TOMM40L: variants seen among roughly 807,000 people sequenced by gnomAD.
TOMM40L encodes the protein mitochondrial import receptor subunit TOM40B.
A neutral mutation model predicts 38.3 loss-of-function variants in TOMM40L; 17 were observed. The observed-to-expected ratio is 0.44, with a 90% CI of 0.30 to 0.67. TOMM40L has a LOEUF of 0.67. Among genes scored for constraint, TOMM40L ranks in the 30% least tolerant of loss-of-function variants. The pLI is 0.08. For missense variants in TOMM40L, 294 were observed against 390.0 expected (o/e 0.75, Z 2.07); for synonymous variants, 151 against 150.2 (o/e 1.01, Z -0.04).
intron 3 of TOMM40L, 92 bp from the exon 4 acceptor site, chr1:161,227,165 AG>A: frequency 1.5e-6 from 2 of 1,325,882 alleles, no homozygotes; most frequent in Non-Finnish European, 1.1e-6. Flanking sequence ...GATTCTTGAG[AG>A]GCCCTCTGGA....
rs775626276 is a variant in TOMM40L at position 161,226,703 on chromosome 1, C to T, written c.115+99C>T. 5.7e-4 allele frequency: 771 copies of T among 1,359,864 alleles called. 1 individual carries two copies. The highest frequency in any genetic ancestry group is 7.2e-4 in the Non-Finnish European group (701 of 976,836). The allele number at this position is 1,359,864 out of a possible 1,614,324, so 84.2% of individuals were successfully genotyped here. ...GCGATGGGAGCAGGAAAGGGGAGAT[C>T]ATAGCTGGGTCATGCAGCCTCAGGG... On this transcript the variant is annotated intron_variant, in intron 2 of 9. Transcript: ENST00000367988.
rs1666701737 is a variant in TOMM40L, at chr1:161,229,858, T to C, written c.*763T>C. ...AGACAGGCCCTGGATGTGCTGGATT[T>C]GGTACCCGTAGGCCTCATTAATGCT... On this transcript the variant is annotated 3_prime_UTR_variant, in exon 10 of 10. Transcript: ENST00000367988. The C allele has an allele frequency of 6.2e-7, 1 of 1,614,192 alleles. No homozygotes were observed.
rs200010139 is a variant in TOMM40L, at chr1:161,228,467, G to A, written c.647G>A (p.Gly216Glu). 1 of 1,614,090 alleles carries A rather than the reference G, an allele frequency of 6.2e-7. No homozygotes were observed. The highest frequency in any genetic ancestry group is 8.5e-7 in the Non-Finnish European group (1 of 1,180,008). The stretch of plus-strand genomic sequence containing the variant: ...GCTACATTGAATGTGGGATCAGGCG[G>A]GGCCCATGCAAGTTACTACCACAGG... ...WVATLNVGSGGAHASYYHRAN... is the reference protein window; with the variant it reads ...WVATLNVGSGEAHASYYHRAN... The change falls in exon 8 of 10, where the codon GGG (glycine) becomes GAG (glutamate). Residue 216 changes from glycine to glutamate, a missense_variant. By Grantham distance (98) the Gly-to-Glu change is moderately conservative. Coordinates refer to ENST00000367988, the MANE Select transcript of TOMM40L (RefSeq NM_032174.6).
At position 161,230,457 on chromosome 1, in the gene TOMM40L, G is replaced by A. The variant is rs948833045; in HGVS notation, c.*1362G>A. ...AGGAATTGGCCCAATGGCGAGGAGA[G>A]GAAAGGCCAAGGGAAGAGAAAAGTC... On this transcript the variant is annotated 3_prime_UTR_variant, in exon 10 of 10. Coordinates refer to ENST00000367988, the MANE Select transcript of TOMM40L (RefSeq NM_032174.6). 7 of 472,242 alleles carry A rather than the reference G, an allele frequency of 1.5e-5. No homozygotes were observed. The highest frequency in any genetic ancestry group is 8.0e-5 in the African/African-American group (4 of 49,770). 29.3% of individuals were successfully genotyped at this position (472,242 alleles called of 1,614,324 possible).
At chr1:161,226,686 A>C in intron 2 of TOMM40L, 82 bp downstream of exon 2, 1 of 1,447,120 alleles carries the variant, frequency 6.9e-7, no homozygotes, top group Admixed American at 1.9e-5. Context: ...CGGCGATGGG[A>C]GCAGGAAAGG....
At chr1:161,228,057 T>A (rs1666491036) in intron 6 of TOMM40L, 68 bp downstream of exon 6, 3 of 1,601,648 alleles carry the variant, frequency 1.9e-6, no homozygotes, top group African/African-American at 2.7e-5. Flanking sequence ...TGCCTCTTCA[T>A]CTTCTGTACA....
rs972298105 is a variant in TOMM40L at position 161,226,089 on chromosome 1, T to A, written c.-183T>A. 6.1e-6 allele frequency: 1 copy of A among 165,236 alleles called. No homozygotes were observed. Among genetic ancestry groups the A allele is most frequent in the African/African-American group, 2.4e-5 (1 of 41,732 alleles). 10.2% of individuals were successfully genotyped at this position (165,236 alleles called of 1,614,324 possible). On this transcript the variant is annotated 5_prime_UTR_variant, in exon 1 of 10. An upstream start codon of the reference 5' UTR is lost. Transcript: ENST00000367988. ...CTCAAGATGGCTGCCCCCATCAAGA[T>A]GACCGGGGTGTGCCGGGGGGAAAGG... is the stretch of plus-strand genomic sequence containing the variant.
chr1:161,230,078 G>C lies in TOMM40L; in HGVS notation c.*983G>C. The C allele has an allele frequency of 2.1e-6, 2 of 947,580 alleles. No individual in the cohort carries two copies. Among genetic ancestry groups the C allele is most frequent in the Non-Finnish European group, 3.1e-6 (2 of 642,412 alleles). The allele number at this position is 947,580 out of a possible 1,614,324, so 58.7% of individuals were successfully genotyped here. On this transcript the variant is annotated 3_prime_UTR_variant, in exon 10 of 10. Coordinates refer to ENST00000367988, the MANE Select transcript of TOMM40L (RefSeq NM_032174.6). The stretch of plus-strand genomic sequence containing the variant: ...CATGCTCTGGTATGACAGACTATCA[G>C]AGGTTCCAAAGGTCCTCCAGGGGGC...
chr1:161,227,710 G>T lies in TOMM40L; in HGVS notation c.351G>T (p.Glu117Asp). 4 of 1,613,374 alleles carry T rather than the reference G, an allele frequency of 2.5e-6. No individual in the cohort carries two copies. The highest frequency in any genetic ancestry group is 3.4e-6 in the Non-Finnish European group (4 of 1,180,034). Residue 117 changes from glutamate to aspartate, a missense_variant, in exon 5 of 10, where the codon GAG becomes GAT. Physicochemically the swap from Glu to Asp is conservative, Grantham distance 45. Transcript: ENST00000367988. ...CCCAGGTCTTGCTCCTCTTGGCAGA[G>T]CGGCTCCGAGCTAAGGCTGTCTTCC... ...LNAQVLLLLAERLRAKAVFQT... is the reference protein window; with the variant it reads ...LNAQVLLLLADRLRAKAVFQT...
intron 8 of TOMM40L, 30 bp from the exon 9 acceptor site, chr1:161,228,685 C>G: frequency 6.2e-7 from 1 of 1,610,614 alleles, no homozygotes; most frequent in Non-Finnish European, 8.5e-7. Context: ...TGATACTGAT[C>G]TCTCTCTCAT....
chr1:161,227,761 C>T (rs1396975208), intron 5 of TOMM40L, 24 bp downstream of exon 5: 20 of 1,601,304 alleles, frequency 1.2e-5, no homozygotes, highest in Non-Finnish European at 1.5e-5. Context: ...CTGCCTCCAT[C>T]CCCTGAGGCA....
chr1:161,230,617 A>C lies in TOMM40L; in HGVS notation c.*1522A>C. 3 of 693,688 alleles carry C rather than the reference A, an allele frequency of 4.3e-6. No homozygotes were observed. The highest frequency in any genetic ancestry group is 7.1e-6 in the Non-Finnish European group (3 of 420,696). The allele number at this position is 693,688 out of a possible 1,614,324, so 43.0% of individuals were successfully genotyped here. ...AAAAAATCTGGAAAAAGTGAGATGAAACAGCAGTATCCAAATACAGCAATT... is the reference window on the plus strand; with the variant it reads ...AAAAAATCTGGAAAAAGTGAGATGACACAGCAGTATCCAAATACAGCAATT... On this transcript the variant is annotated 3_prime_UTR_variant, in exon 10 of 10. Coordinates refer to ENST00000367988, the MANE Select transcript of TOMM40L (RefSeq NM_032174.6).
At chr1:161,227,075 G>A in intron 3 of TOMM40L, 120 bp downstream of exon 3, 2 of 1,328,924 alleles carry the variant, frequency 1.5e-6, no homozygotes, top group African/African-American at 2.9e-5. Context: ...GGGAGGATGT[G>A]GGGTTCTCTT....
rs768080314 is a variant in TOMM40L, at chr1:161,229,953, G to A, written c.*858G>A. ...TTTGGAGGAAGTAGTGGGGTTGCCA[G>A]GAAAACAGGAGGGAAATAAGGCAGT... On this transcript the variant is annotated 3_prime_UTR_variant, in exon 10 of 10. Transcript: ENST00000367988. 4.3e-6 allele frequency: 7 copies of A among 1,613,656 alleles called. No homozygotes were observed. In the Admixed American group the frequency reaches 1.0e-4, roughly 23 times the overall value.
chr1:161,227,894 C>T lies in TOMM40L; in HGVS notation c.389C>T (p.Ala130Val). Residue 130 changes from alanine to valine, a missense_variant, in exon 6 of 10, where the codon GCC becomes GTC. Coordinates refer to ENST00000367988, the MANE Select transcript of TOMM40L (RefSeq NM_032174.6). ...RAKAVFQTQQ[A>V]KFLTWQFDGE... is the part of the protein sequence containing the mutation. ...GCTCTTGCCACCCAGACGCAGCAGG[C>T]CAAGTTCCTGACATGGCAGTTTGAT... 1 of 1,614,142 alleles carries T rather than the reference C, an allele frequency of 6.2e-7. No individual in the cohort carries two copies. Among genetic ancestry groups the T allele is most frequent in the East Asian group, 2.2e-5 (1 of 44,886 alleles).
chr1:161,226,916 G>A lies in TOMM40L; in HGVS notation c.144G>A (p.Val48=). The A allele has an allele frequency of 6.2e-7, 1 of 1,614,170 alleles. No homozygotes were observed. Among genetic ancestry groups the A allele is most frequent in the South Asian group, 1.1e-5 (1 of 91,088 alleles). Reference sequence around the variant, plus strand: ...TATTCCCAGCACAGATGGAGGGAGTGAAGCTCGTTGTCAACAAGGTTCTGA... The same window carrying A: ...TATTCCCAGCACAGATGGAGGGAGTAAAGCTCGTTGTCAACAAGGTTCTGA... ...KDVFPAQMEG[V]KLVVNKVLSS... Residue 48 remains valine, a synonymous_variant, in exon 3 of 10, where the codon GTG becomes GTA. Coordinates refer to ENST00000367988, the MANE Select transcript of TOMM40L (RefSeq NM_032174.6).
At chr1:161,228,852 G>A (rs1666575780) in intron 9 of TOMM40L, 35 bp downstream of exon 9, 10 of 1,613,984 alleles carry the variant, frequency 6.2e-6, no homozygotes, top group Non-Finnish European at 8.5e-6. Context: ...GCTATCCTGA[G>A]GAATGGGGGA....
rs777436441 is a variant in TOMM40L at position 161,229,784 on chromosome 1, A to C, written c.*689A>C. 2 of 1,614,220 alleles carry C rather than the reference A, an allele frequency of 1.2e-6. No individual in the cohort carries two copies. The highest frequency in any genetic ancestry group is 1.7e-6 in the Non-Finnish European group (2 of 1,180,034). ...GTGTTCCAGGTGAGCTGGGGAAGGA[A>C]GTGAGCATGGCCTCAGCTGCAGATC... On this transcript the variant is annotated 3_prime_UTR_variant, in exon 10 of 10. Transcript: ENST00000367988.
rs1440583636 is a variant in TOMM40L at position 161,230,647 on chromosome 1, T to G, written c.*1552T>G. 1.2e-6 allele frequency: 1 copy of G among 858,918 alleles called. No individual in the cohort carries two copies. The highest frequency in any genetic ancestry group is 2.6e-5 in the East Asian group (1 of 38,276). The allele number at this position is 858,918 out of a possible 1,614,324, so 53.2% of individuals were successfully genotyped here. On this transcript the variant is annotated 3_prime_UTR_variant, in exon 10 of 10. Coordinates refer to ENST00000367988, the MANE Select transcript of TOMM40L (RefSeq NM_032174.6). Reference sequence around the variant, plus strand: ...CAGTATCCAAATACAGCAATTTGGATGCTGAAACGATGTGAGACAGGGATG... The same window carrying G: ...CAGTATCCAAATACAGCAATTTGGAGGCTGAAACGATGTGAGACAGGGATG...
Sources: allele counts gnomAD v4.1 joint callset, GRCh38; gene constraint gnomAD v4.1.1; transcripts MANE v1.5; gene names NCBI Gene and HGNC (gene_info 2026-07-23, HGNC 2026-07-21).